Variants in NUP153 observed in about 807,000 individuals in gnomAD.
NUP153 encodes nucleoporin 153, also known as nuclear pore complex protein Nup153.
Under a neutral mutation model 134.6 loss-of-function variants are expected in NUP153, and 27 were observed. The observed-to-expected ratio is 0.20, with a 90% CI of 0.15 to 0.28. The LOEUF (loss-of-function observed/expected upper bound fraction) is 0.28. NUP153 is among the 10% of genes least tolerant of loss of function. The pLI is 1.00. For synonymous variants in NUP153, 640 were observed against 623.5 expected (o/e 1.03, Z -0.40); for missense variants, 1,821 against 1,731.3 (o/e 1.05, Z -0.92).
intron 2 of NUP153, among the ~76,000 whole-genome samples, chr6:17,676,448 GTGT>G (rs1451104559): frequency 1.1e-4 from 16 of 145,808 alleles, no homozygotes; most frequent in African/African-American, 3.3e-4. Flanking sequence ...AATTTAATGC[GTGT>G]TGAAGTTACT....
At chr6:17,648,414 C>G (rs1488991595) in intron 12 of NUP153, among the ~76,000 whole-genome samples, 1 of 152,072 alleles carries the variant, frequency 6.6e-6, no homozygotes, top group Non-Finnish European at 1.5e-5. Context: ...GTCAGGAGTT[C>G]AAGATCAGCC....
chr6:17,619,192 G>C (rs1383297276), intron 20 of NUP153, among the ~76,000 whole-genome samples: 1 of 152,204 alleles, frequency 6.6e-6, no homozygotes, highest in African/African-American at 2.4e-5. Flanking sequence ...GTCTACAATG[G>C]AGAAATGCTT....
At chr6:17,700,745 A>G (rs1770000582) in intron 1 of NUP153, among the ~76,000 whole-genome samples, 1 of 152,222 alleles carries the variant, frequency 6.6e-6, no homozygotes, top group African/African-American at 2.4e-5. Flanking sequence ...GGCTGGGCCA[A>G]ATTCAGACCT....
Position 17,638,046 on chromosome 6 carries a change from A to T in NUP153, c.1847-276T>A, listed in dbSNP as rs1028331733. On this transcript the variant is annotated intron_variant, in intron 15 of 21. Coordinates refer to ENST00000262077, the MANE Select transcript of NUP153 (RefSeq NM_005124.4). The surrounding 1 kb of genome is among the most constrained non-coding windows in gnomAD (Gnocchi z 4.0). ...CTAGTTTGATGCTTTCAATGGTACT[A>T]ATTTACTGATATGTATTATTGCCAT... Among the ~76,000 whole-genome samples, 2 of 152,214 alleles carry T rather than the reference A, an allele frequency of 1.3e-5. No homozygotes were observed. Among genetic ancestry groups the T allele is most frequent in the African/African-American group, 4.8e-5 (2 of 41,446 alleles).
chr6:17,679,396 C>T (rs745956744), intron 2 of NUP153, among the ~76,000 whole-genome samples: 6 of 152,156 alleles, frequency 3.9e-5, no homozygotes, highest in African/African-American at 1.4e-4. Context: ...AAATATCCCA[C>T]GTACATGGAC....
chr6:17,627,424 G>A lies in NUP153; in HGVS notation c.3544+1231C>T, dbSNP rs12196207. 8.9e-3 allele frequency among the ~76,000 whole-genome samples: 1,348 copies of A among 152,156 alleles called. 10 individuals are homozygous for A. Among genetic ancestry groups the A allele is most frequent in the Non-Finnish European group, 0.014 (937 of 67,990 alleles). On this transcript the variant is annotated intron_variant, in intron 18 of 21. Transcript: ENST00000262077. ...CAATTTATTATTCAAAAGTATTCAT[G>A]GATATTCAACTTTTGCATTTTTTGC...
rs1764834078 is a variant in NUP153 at position 17,624,699 on chromosome 6, A to G, written c.4036T>C (p.Ser1346Pro). Residue 1346 changes from serine (S) to proline (P), a missense_variant, in exon 20 of 22, where the codon TCT becomes CCT. Ser to Pro is a moderately conservative substitution (Grantham distance 74, BLOSUM62 -1). Coordinates refer to ENST00000262077, the MANE Select transcript of NUP153 (RefSeq NM_005124.4). ...CCAGTGGGAAATAATGCTGTGGAAGATGATATAGATCCAAAGCCTGGGGGA... is the reference window on the plus strand; with the variant it reads ...CCAGTGGGAAATAATGCTGTGGAAGGTGATATAGATCCAAAGCCTGGGGGA... Reference protein sequence around the residue: ...PNPPGFGSISSSTALFPTGSQ... With the variant: ...PNPPGFGSISPSTALFPTGSQ... The G allele has an allele frequency of 1.2e-6, 2 of 1,614,062 alleles. No homozygotes were observed. The highest frequency in any genetic ancestry group is 2.7e-5 in the African/African-American group (2 of 74,918).
intron 11 of NUP153, among the ~76,000 whole-genome samples, chr6:17,657,878 T>C (rs1766931151): frequency 6.6e-6 from 1 of 152,270 alleles, no homozygotes; most frequent in Non-Finnish European, 1.5e-5. Flanking sequence ...TACATCATTT[T>C]AATGCAAATT....
chr6:17,690,484 T>C (rs1049431515), intron 1 of NUP153, among the ~76,000 whole-genome samples: 1 of 152,184 alleles, frequency 6.6e-6, no homozygotes, highest in African/African-American at 2.4e-5. Context: ...CCTCCTATTA[T>C]TTATAGTAAT....
intron 2 of NUP153, among the ~76,000 whole-genome samples, chr6:17,686,283 A>C (rs1378003170): frequency 6.6e-6 from 1 of 152,208 alleles, no homozygotes; most frequent in Non-Finnish European, 1.5e-5. Flanking sequence ...AATGCCCCTG[A>C]AGAGTATCCA....
intron 5 of NUP153, among the ~76,000 whole-genome samples, chr6:17,673,054 C>A (rs1768008086): frequency 6.6e-6 from 1 of 152,126 alleles, no homozygotes; most frequent in African/African-American, 2.4e-5. Flanking sequence ...CGCACACACA[C>A]ACACAAAAGA....
rs541477397 is a variant in NUP153, at chr6:17,646,389, G to A, written c.1633-235C>T. On this transcript the variant is annotated intron_variant, in intron 13 of 21. Coordinates refer to ENST00000262077, the MANE Select transcript of NUP153 (RefSeq NM_005124.4). ...CACCCGGCTAATTTTTTGTATTTTA[G>A]TAGAGATGGGGTTTCACTGTGTTAG... Among the ~76,000 whole-genome samples the A allele has an allele frequency of 1.4e-4, 21 of 152,094 alleles. 1 individual carries two copies. In the South Asian group the frequency reaches 4.4e-3, roughly 32 times the overall value.
intron 2 of NUP153, among the ~76,000 whole-genome samples, chr6:17,684,921 C>A (rs964874715): frequency 6.6e-6 from 1 of 152,106 alleles, no homozygotes; most frequent in Non-Finnish European, 1.5e-5. Flanking sequence ...GGGTGTGGCT[C>A]GTGGCACCCC....
Position 17,628,178 on chromosome 6 carries a change from T to C in NUP153, c.3544+477A>G, listed in dbSNP as rs1378023849. Among the ~76,000 whole-genome samples the C allele has an allele frequency of 6.6e-6, 1 of 152,354 alleles. No homozygotes were observed. Among genetic ancestry groups the C allele is most frequent in the South Asian group, 2.1e-4 (1 of 4,830 alleles). On this transcript the variant is annotated intron_variant, in intron 18 of 21. Transcript: ENST00000262077. The surrounding 1 kb of genome is among the most constrained non-coding windows in gnomAD (Gnocchi z 5.4). ...GCTATGTCATTTTTTTCCCCAGGAC[T>C]TCAGCTTTCAAAATCTCTTGTTTTC...
At chr6:17,656,177 C>A (rs1766811917) in intron 11 of NUP153, among the ~76,000 whole-genome samples, 1 of 152,112 alleles carries the variant, frequency 6.6e-6, no homozygotes. Flanking sequence ...TGCACTCCAC[C>A]CTGGGAGACA....
chr6:17,703,999 G>A (rs371254767), intron 1 of NUP153, among the ~76,000 whole-genome samples: 45 of 152,242 alleles, frequency 3.0e-4, no homozygotes, highest in South Asian at 1.5e-3. Context: ...GTACATTTAA[G>A]CTGTGATCAG....
At chr6:17,690,548 T>C (rs1485120335) in intron 1 of NUP153, among the ~76,000 whole-genome samples, 2 of 152,070 alleles carry the variant, frequency 1.3e-5, no homozygotes, top group African/African-American at 2.4e-5. Context: ...TTACAAGGTA[T>C]AACAGAAACA....
At position 17,652,523 on chromosome 6, in the gene NUP153, T is replaced by C. The variant is rs185316532; in HGVS notation, c.1396-3223A>G. 3.7e-3 allele frequency among the ~76,000 whole-genome samples: 564 copies of C among 152,094 alleles called. 2 individuals are homozygous for C. The highest frequency in any genetic ancestry group is 5.1e-3 in the Non-Finnish European group (346 of 68,000). On this transcript the variant is annotated intron_variant, in intron 11 of 21. Transcript: ENST00000262077. ...GGAAACTATCTTTGTAGCCCGGGGA[T>C]AGGCAAAATTTTCTTAGGACACAAA...
intron 20 of NUP153, among the ~76,000 whole-genome samples, chr6:17,622,068 A>G (rs748197352): frequency 3.3e-5 from 5 of 152,152 alleles, no homozygotes; most frequent in Non-Finnish European, 7.4e-5. Flanking sequence ...TGTGGGAATG[A>G]CCTTCACTAG....
Sources: gnomAD v4.1 joint callset for allele counts (sites outside exome capture counted in the v4.1 genomes callset) on GRCh38, gnomAD v4.1.1 for gene constraint, Gnocchi (gnomAD v3.1) non-coding constraint, MANE v1.5 for transcripts, NCBI Gene and HGNC (gene_info 2026-07-23, HGNC 2026-07-21) for gene names.